The following TOP6BL variants were observed in gnomAD, a reference collection of about 807,000 sequenced individuals.
The protein encoded by TOP6BL is TOP6B like initiator of meiotic double strand breaks.
chr11:66,809,063 G>A, the TOP6BL span, among the ~76,000 whole-genome samples: 1 of 152,134 alleles, frequency 6.6e-6, no homozygotes, highest in Non-Finnish European at 1.5e-5. Context: ...TCCTGCCTCA[G>A]CCTCCCAAGT....
At chr11:66,777,045 A>G in the TOP6BL span, among the ~76,000 whole-genome samples, 3 of 150,568 alleles carry the variant, frequency 2.0e-5, no homozygotes, top group East Asian at 1.9e-4. Context: ...TGTAATCACT[A>G]TATCTATATA....
At chr11:66,788,592 C>T in the TOP6BL span, among the ~76,000 whole-genome samples, 3 of 152,208 alleles carry the variant, frequency 2.0e-5, no homozygotes, top group Admixed American at 6.6e-5. Flanking sequence ...GGAGGCTAGA[C>T]GTCCAAGATC....
At chr11:66,833,040 CTTTTTTTTTTTT>C in the TOP6BL span, among the ~76,000 whole-genome samples, 10 of 117,266 alleles carry the variant, frequency 8.5e-5, no homozygotes, top group Admixed American at 4.6e-4. Flanking sequence ...ATCTTTCTGC[CTTTTTTTTTTTT>C]TTTTTTTTTT....
chr11:66,843,267 C>G, the TOP6BL span: 51 of 1,602,904 alleles, frequency 3.2e-5, no homozygotes, highest in South Asian at 4.2e-4. Flanking sequence ...CCCACCGATC[C>G]GGAGGCTGCG....
chr11:66,803,430 A>C, the TOP6BL span, among the ~76,000 whole-genome samples: 2 of 152,144 alleles, frequency 1.3e-5, no homozygotes, highest in Non-Finnish European at 2.9e-5. Flanking sequence ...AAAATAAAAT[A>C]ATAGTAATTA....
At chr11:66,843,332 TC>T in the TOP6BL span, 11 of 1,494,036 alleles carry the variant, frequency 7.4e-6, no homozygotes, top group African/African-American at 1.4e-4. Flanking sequence ...CAAGTCCTCT[TC>T]CGCGTCTGCT....
the TOP6BL span, among the ~76,000 whole-genome samples, chr11:66,831,950 T>A: frequency 8.1e-6 from 1 of 123,570 alleles, no homozygotes; most frequent in East Asian, 2.5e-4. Flanking sequence ...CGAGCTGAGA[T>A]CATGCCACTG....
chr11:66,762,054 C>T, the TOP6BL span: 3 of 1,351,828 alleles, frequency 2.2e-6, no homozygotes, highest in South Asian at 2.3e-5. Flanking sequence ...ACTTTCCGCA[C>T]TAATTTAGCT....
the TOP6BL span, among the ~76,000 whole-genome samples, chr11:66,822,935 T>C: frequency 1.3e-5 from 2 of 151,322 alleles, no homozygotes; most frequent in Non-Finnish European, 2.9e-5. Context: ...GCCCGGGATG[T>C]TGAGGCTGAG....
the TOP6BL span, among the ~76,000 whole-genome samples, chr11:66,788,610 T>C: frequency 9.9e-5 from 15 of 152,246 alleles, no homozygotes; most frequent in Non-Finnish European, 1.3e-4. Flanking sequence ...ATCAAGGTGC[T>C]GTCAGGGCTG....
the TOP6BL span, chr11:66,801,082 C>A: frequency 6.2e-7 from 1 of 1,613,740 alleles, no homozygotes; most frequent in South Asian, 1.1e-5. Context: ...CTCTTTTGGT[C>A]GACTCCCAGC....
At chr11:66,792,752 G>A in the TOP6BL span, among the ~76,000 whole-genome samples, 2 of 152,136 alleles carry the variant, frequency 1.3e-5, no homozygotes, top group Non-Finnish European at 2.9e-5. Flanking sequence ...ATTATTCATT[G>A]TAGTCTCTCT....
chr11:66,829,995 C>G, the TOP6BL span, among the ~76,000 whole-genome samples: 1 of 152,308 alleles, frequency 6.6e-6, no homozygotes, highest in African/African-American at 2.4e-5. Flanking sequence ...ACATAATTCT[C>G]TCAATAATTA....
chr11:66,746,885 C>A, the TOP6BL span, among the ~76,000 whole-genome samples: 2 of 152,006 alleles, frequency 1.3e-5, no homozygotes, highest in East Asian at 3.9e-4. Flanking sequence ...TCCCCTCTCT[C>A]CCCCCAAAAA....
the TOP6BL span, chr11:66,843,480 CTGCG>C: frequency 2.0e-6 from 3 of 1,466,792 alleles, no homozygotes; most frequent in East Asian, 8.4e-5. Flanking sequence ...CGGGGATGGG[CTGCG>C]ACTGCTGTCG....
chr11:66,763,899 C>A, the TOP6BL span, among the ~76,000 whole-genome samples: 1 of 152,186 alleles, frequency 6.6e-6, no homozygotes, highest in Non-Finnish European at 1.5e-5. Flanking sequence ...AGCCACCCTG[C>A]CCAGCCAAGA....
At chr11:66,826,087 C>T in the TOP6BL span, among the ~76,000 whole-genome samples, 1 of 152,174 alleles carries the variant, frequency 6.6e-6, no homozygotes, top group African/African-American at 2.4e-5. Flanking sequence ...TCGGGATCCG[C>T]CCGCCTTGGC....
chr11:66,775,024 A>G, the TOP6BL span, among the ~76,000 whole-genome samples: 1 of 141,844 alleles, frequency 7.1e-6, no homozygotes. Flanking sequence ...GAAGTGAGAG[A>G]CCCACTTGAA....
the TOP6BL span, among the ~76,000 whole-genome samples, chr11:66,754,588 TTGGGCTTTTAAC>T: frequency 6.6e-6 from 1 of 152,202 alleles, no homozygotes; most frequent in Non-Finnish European, 1.5e-5. Context: ...GGTGATCTAA[TTGGGCTTTTAAC>T]TGGGGAACTT....
Sources: allele counts gnomAD v4.1 joint callset (sites outside exome capture counted in the v4.1 genomes callset), GRCh38; gene constraint gnomAD v4.1.1; transcripts MANE v1.5; gene names NCBI Gene and HGNC (gene_info 2026-07-23, HGNC 2026-07-21).